Variants in RIMS2 observed in about 807,000 individuals in gnomAD.
The protein encoded by RIMS2 is regulating synaptic membrane exocytosis protein 2.
In RIMS2, 59 loss-of-function variants were observed where a neutral mutation model predicts 174.4. The observed-to-expected ratio is 0.34, with a 90% CI of 0.27 to 0.42. RIMS2 has a LOEUF of 0.42. RIMS2 is among the 10% of genes least tolerant of loss of function. The pLI is 1.00. For synonymous variants in RIMS2, 606 were observed against 572.5 expected, an observed-to-expected ratio of 1.06 and a Z score of -0.84; for missense variants, 1,620 against 1,666.3, an observed-to-expected ratio of 0.97 and a Z score of 0.48.
At chr8:104,084,823 T>C (rs1039787306) in intron 19 of RIMS2, among the ~76,000 whole-genome samples, 6 of 152,174 alleles carry the variant, frequency 3.9e-5, no homozygotes, top group African/African-American at 1.4e-4. Context: ...TAAGAAGGTA[T>C]TGTCTCCACA....
At chr8:104,162,020 T>C (rs1003214767) in intron 19 of RIMS2, among the ~76,000 whole-genome samples, 3 of 152,218 alleles carry the variant, frequency 2.0e-5, no homozygotes, top group African/African-American at 7.2e-5. Context: ...GCTTATGTAA[T>C]TAGATTGGGC....
chr8:104,062,035 T>G (rs982397562), intron 19 of RIMS2, among the ~76,000 whole-genome samples: 2 of 152,186 alleles, frequency 1.3e-5, no homozygotes, highest in African/African-American at 4.8e-5. Flanking sequence ...TAAGTTTTTT[T>G]CATATACAAT....
Position 103,568,758 on chromosome 8 carries a change from A to G in RIMS2, c.176+67696A>G, listed in dbSNP as rs2092579756. Reference sequence around the variant, plus strand: ...AGCAGCTGTAGATTCTTCACTGGGTAAGGAATCTATCAAAACATGAATGTC... The same window carrying G: ...AGCAGCTGTAGATTCTTCACTGGGTGAGGAATCTATCAAAACATGAATGTC... On this transcript the variant is annotated intron_variant, in intron 1 of 23. Coordinates refer to ENST00000504942, the Ensembl canonical transcript of RIMS2. 6.5e-6 allele frequency: 7 copies of G among 1,080,774 alleles called. No homozygotes were observed. The Admixed American group carries it at 1.2e-4, about 19-fold the overall frequency. 66.9% of individuals were successfully genotyped at this position (1,080,774 alleles called of 1,614,324 possible). A position where few individuals can be genotyped will look rare whatever the true frequency, so the allele number is the denominator to read the frequency against.
intron 10 of RIMS2, among the ~76,000 whole-genome samples, chr8:103,924,618 ACAAAATT>A (rs1340935658): frequency 6.6e-6 from 1 of 151,590 alleles, no homozygotes; most frequent in Non-Finnish European, 1.5e-5. Flanking sequence ...TACTTCACTT[ACAAAATT>A]ATGAAACTGC....
At chr8:103,622,882 G>T (rs1297796686) in intron 1 of RIMS2, among the ~76,000 whole-genome samples, 2 of 152,126 alleles carry the variant, frequency 1.3e-5, no homozygotes, top group African/African-American at 2.4e-5. Flanking sequence ...AAGAAAGGAA[G>T]TAGCAGCAAT....
chr8:103,816,465 G>A (rs985141087), intron 3 of RIMS2, among the ~76,000 whole-genome samples: 1 of 152,182 alleles, frequency 6.6e-6, no homozygotes, highest in Non-Finnish European at 1.5e-5. Flanking sequence ...TAACCTCATG[G>A]AATTGAGGGT....
intron 19 of RIMS2, among the ~76,000 whole-genome samples, chr8:104,042,476 T>C (rs556234725): frequency 1.8e-4 from 27 of 151,512 alleles, no homozygotes; most frequent in Admixed American, 4.0e-4. Flanking sequence ...GTGTAATGAA[T>C]CAGTTAAGAA....
chr8:103,587,843 G>T (rs1345037722), intron 1 of RIMS2, among the ~76,000 whole-genome samples: 1 of 152,032 alleles, frequency 6.6e-6, no homozygotes, highest in East Asian at 1.9e-4. Context: ...CTAAGACCTG[G>T]AACGTGACAG....
intron 1 of RIMS2, among the ~76,000 whole-genome samples, chr8:103,645,658 C>G (rs1384680878): frequency 6.6e-6 from 1 of 152,018 alleles, no homozygotes; most frequent in Non-Finnish European, 1.5e-5. Flanking sequence ...TTTCAGAGGC[C>G]TTTATTATCC....
chr8:103,885,963 G>C lies in RIMS2; in HGVS notation c.1364G>C (p.Arg455Pro), dbSNP rs1380884980. ...GACTTGAGGCGTACTGACTCACTAC[G>C]GAAACAGCACCACTTAGATCCTAGC... Residue 455 changes from arginine (R) to proline (P), a missense_variant, in exon 4 of 24, where the codon CGG becomes CCG. Arg to Pro is a moderately radical substitution (Grantham distance 103). Transcript: ENST00000504942. The C allele has an allele frequency of 1.9e-6, 3 of 1,612,976 alleles. No homozygotes were observed. The African/African-American group carries it at 4.0e-5, about 22-fold the overall frequency.
intron 19 of RIMS2, among the ~76,000 whole-genome samples, chr8:104,130,326 T>G (rs901506848): frequency 2.0e-5 from 3 of 152,214 alleles, no homozygotes; most frequent in African/African-American, 7.2e-5. Flanking sequence ...GCAGTCCTGC[T>G]GCATAACCGC....
intron 2 of RIMS2, among the ~76,000 whole-genome samples, chr8:103,755,354 C>T (rs2097975776): frequency 6.6e-6 from 1 of 152,082 alleles, no homozygotes; most frequent in Non-Finnish European, 1.5e-5. Flanking sequence ...CTCTGGCTTC[C>T]CTTAATATTT....
At chr8:103,743,061 C>CA (rs1030495693) in intron 2 of RIMS2, among the ~76,000 whole-genome samples, 2 of 152,046 alleles carry the variant, frequency 1.3e-5, no homozygotes, top group African/African-American at 4.8e-5. Flanking sequence ...TGCCCTCTTC[C>CA]AAAATTTGTT....
intron 19 of RIMS2, among the ~76,000 whole-genome samples, chr8:104,045,084 C>T (rs900757947): frequency 5.3e-5 from 8 of 151,896 alleles, no homozygotes; most frequent in African/African-American, 1.9e-4. Flanking sequence ...GCCTGTCACT[C>T]ACATCTCCAA....
intron 19 of RIMS2, among the ~76,000 whole-genome samples, chr8:104,206,329 C>T (rs1288482930): frequency 1.3e-5 from 2 of 152,116 alleles, no homozygotes. Context: ...TCGTATCTCT[C>T]TGAACTTTAG....
At chr8:104,163,688 A>C (rs1427529202) in intron 19 of RIMS2, among the ~76,000 whole-genome samples, 1 of 152,214 alleles carries the variant, frequency 6.6e-6, no homozygotes, top group Non-Finnish European at 1.5e-5. Flanking sequence ...TCTCTTAGGC[A>C]TTAAAGTTTG....
intron 1 of RIMS2, among the ~76,000 whole-genome samples, chr8:103,524,242 G>GA (rs34134370): frequency 0.19 from 28,569 of 151,886 alleles, 3,189 homozygotes; most frequent in South Asian, 0.34. Flanking sequence ...GAGTTGAAGA[G>GA]AGAGTATAGA....
chr8:104,086,926 G>A (rs2097546200), intron 19 of RIMS2, among the ~76,000 whole-genome samples: 1 of 152,104 alleles, frequency 6.6e-6, no homozygotes, highest in Non-Finnish European at 1.5e-5. Context: ...AACCAGTGGT[G>A]TGCCCAACTG....
At chr8:104,249,209 A>G (rs2099351077) in intron 21 of RIMS2, among the ~76,000 whole-genome samples, 1 of 151,996 alleles carries the variant, frequency 6.6e-6, no homozygotes, top group Non-Finnish European at 1.5e-5. Context: ...CTGGGATTAC[A>G]GGCATGAGCC....
Sources: allele counts gnomAD v4.1 joint callset (sites outside exome capture counted in the v4.1 genomes callset), GRCh38; gene constraint gnomAD v4.1.1; transcripts MANE v1.5; gene names NCBI Gene and HGNC (gene_info 2026-07-23, HGNC 2026-07-21).